OXCT1: variants seen among roughly 807,000 people sequenced by gnomAD.
OXCT1 encodes succinyl-CoA:3-ketoacid coenzyme A transferase 1, mitochondrial.
In OXCT1, 27 loss-of-function variants were observed where a neutral mutation model predicts 69.6. The observed-to-expected ratio is 0.39, with a 90% CI of 0.29 to 0.54. The LOEUF is 0.54. Ranked by LOEUF, OXCT1 falls within the 20% of genes least tolerant of loss-of-function variation. OXCT1 has a pLI of 0.72. For missense variants in OXCT1, 437 were observed against 650.2 expected (o/e 0.67, Z 3.57); for synonymous variants, 202 against 217.8 (o/e 0.93, Z 0.64).
At chr5:41,744,224 G>A (rs1159322426) in intron 15 of OXCT1, among the ~76,000 whole-genome samples, 7 of 152,098 alleles carry the variant, frequency 4.6e-5, no homozygotes, top group Admixed American at 1.3e-4. Flanking sequence ...TATTCTCTTT[G>A]AAGCAATTGT....
At chr5:41,744,707 C>A (rs1176960211) in intron 15 of OXCT1, among the ~76,000 whole-genome samples, 2 of 152,100 alleles carry the variant, frequency 1.3e-5, no homozygotes, top group Non-Finnish European at 2.9e-5. Flanking sequence ...GCCTTTTCTG[C>A]ATCTATTGAG....
At chr5:41,843,840 G>T (rs558919680) in intron 5 of OXCT1, among the ~76,000 whole-genome samples, 13 of 152,264 alleles carry the variant, frequency 8.5e-5, no homozygotes, top group African/African-American at 2.9e-4. Flanking sequence ...TAACCAAGTT[G>T]CCTGCTAGAA....
intron 6 of OXCT1, among the ~76,000 whole-genome samples, chr5:41,842,238 A>G (rs1748659919): frequency 6.6e-6 from 1 of 152,234 alleles, no homozygotes; most frequent in Admixed American, 6.5e-5. Context: ...AGAAGACACC[A>G]AAAGGACTGA....
At chr5:41,795,496 T>C (rs1746134575) in intron 11 of OXCT1, among the ~76,000 whole-genome samples, 2 of 152,178 alleles carry the variant, frequency 1.3e-5, no homozygotes, top group Non-Finnish European at 2.9e-5. Flanking sequence ...AATCTAATGC[T>C]ACTGTAAGTC....
At chr5:41,797,851 C>T (rs551072101) in intron 11 of OXCT1, among the ~76,000 whole-genome samples, 9 of 152,264 alleles carry the variant, frequency 5.9e-5, no homozygotes, top group South Asian at 4.1e-4. Flanking sequence ...GTGATGCTGA[C>T]GCTGTGGGTC....
At chr5:41,734,705 G>A (rs1742801306) in intron 16 of OXCT1, among the ~76,000 whole-genome samples, 1 of 152,090 alleles carries the variant, frequency 6.6e-6, no homozygotes, top group South Asian at 2.1e-4. Context: ...GAAAATGTTG[G>A]GCCCTAGTAG....
chr5:41,807,273 G>T, intron 8 of OXCT1, 58 bp downstream of exon 8: 1 of 926,986 alleles, frequency 1.1e-6, no homozygotes, highest in East Asian at 2.4e-5. Context: ...TGGCCCCAGG[G>T]ATGCACTATC....
In OXCT1 at chr5:41,731,758, G is replaced by A; in HGVS notation, c.1534C>T (p.Leu512Phe). Residue 512 changes from leucine to phenylalanine, a missense_variant, in exon 17 of 17, where the codon CTC (leucine) becomes TTC (phenylalanine). By Grantham distance (22) the Leu-to-Phe change is conservative. Around this residue, in one of 4 missense-constraint regions of OXCT1, gnomAD observed 102 missense variants for 162.1 expected, o/e 0.63. Transcript: ENST00000196371. ...TTTGCGATCTGCTGCATTGGCATGA[G>A]TTTTGGTGAAACCTGGTAAAAGAGG... is the stretch of plus-strand genomic sequence containing the variant. ...TGCDFAVSPKLMPMQQIAN is the reference protein window; with the variant it reads ...TGCDFAVSPKFMPMQQIAN 1.2e-6 allele frequency: 2 copies of A among 1,610,120 alleles called. No homozygotes were observed. Among genetic ancestry groups the A allele is most frequent in the Non-Finnish European group, 1.7e-6 (2 of 1,178,054 alleles).
chr5:41,754,464 T>C (rs1743962657), intron 14 of OXCT1, among the ~76,000 whole-genome samples: 1 of 152,078 alleles, frequency 6.6e-6, no homozygotes, highest in Non-Finnish European at 1.5e-5. Flanking sequence ...GGATACCCCA[T>C]TCTCCACAGT....
At chr5:41,800,846 C>T (rs1366225017) in intron 11 of OXCT1, among the ~76,000 whole-genome samples, 176 bp downstream of exon 11, 3 of 152,038 alleles carry the variant, frequency 2.0e-5, no homozygotes, top group Non-Finnish European at 4.4e-5. Context: ...TCTGCATTTC[C>T]TCCTTTATCT....
At chr5:41,799,256 G>A (rs191841637) in intron 11 of OXCT1, among the ~76,000 whole-genome samples, 1 of 152,176 alleles carries the variant, frequency 6.6e-6, no homozygotes, top group Admixed American at 6.6e-5. Context: ...GGGAATTGAG[G>A]AAACCACCAA....
At chr5:41,819,568 C>A (rs1222920478) in intron 7 of OXCT1, among the ~76,000 whole-genome samples, 2 of 152,070 alleles carry the variant, frequency 1.3e-5, no homozygotes, top group Admixed American at 6.6e-5. Flanking sequence ...CAGGGTTTCG[C>A]CACATTTGCC....
At chr5:41,841,299 G>A (rs981805180) in intron 6 of OXCT1, among the ~76,000 whole-genome samples, 1 of 152,146 alleles carries the variant, frequency 6.6e-6, no homozygotes, top group Non-Finnish European at 1.5e-5. Flanking sequence ...CTTTTGCTCA[G>A]ATTGAAGAAT....
Position 41,853,527 on chromosome 5 carries a change from C to G in OXCT1, c.306G>C (p.Leu102Phe). 6.2e-7 allele frequency: 1 copy of G among 1,613,952 alleles called. No individual in the cohort carries two copies. The highest frequency in any genetic ancestry group is 8.5e-7 in the Non-Finnish European group (1 of 1,179,920). Residue 102 changes from leucine (L) to phenylalanine (F), a missense_variant, in exon 4 of 17, where the codon TTG (leucine) becomes TTC (phenylalanine). Leu to Phe is a conservative substitution (Grantham distance 22). Transcript: ENST00000196371. ...AGVDNFGLGL[L>F]LRSKQIKRMV... ...TGCGTTTTATCTGCTTGGACCGAAGCAAAAGCCCCAAACCAAAATTGTCAA... is the reference window on the plus strand; with the variant it reads ...TGCGTTTTATCTGCTTGGACCGAAGGAAAAGCCCCAAACCAAAATTGTCAA...
chr5:41,854,028 T>TA (rs34095592), intron 3 of OXCT1, among the ~76,000 whole-genome samples: 1 of 152,148 alleles, frequency 6.6e-6, no homozygotes, highest in Non-Finnish European at 1.5e-5. Context: ...CTTTCACTTC[T>TA]AAAAAGGAGA....
intron 11 of OXCT1, among the ~76,000 whole-genome samples, chr5:41,799,446 C>G (rs1436417118): frequency 6.6e-6 from 1 of 152,148 alleles, no homozygotes; most frequent in African/African-American, 2.4e-5. Context: ...TGTGGCACTT[C>G]AAGTGTTGAA....
intron 16 of OXCT1, among the ~76,000 whole-genome samples, chr5:41,732,686 T>A (rs1742691796): frequency 6.6e-6 from 1 of 152,188 alleles, no homozygotes; most frequent in Non-Finnish European, 1.5e-5. Context: ...CCTTCCAGAA[T>A]AAACAATATT....
chr5:41,781,643 C>T (rs1745405234), intron 13 of OXCT1, among the ~76,000 whole-genome samples: 1 of 152,086 alleles, frequency 6.6e-6, no homozygotes, highest in African/African-American at 2.4e-5. Context: ...ATGTGTTGTT[C>T]CCCCAGTGGT....
chr5:41,803,352 TAGTC>T (rs1292369334), intron 9 of OXCT1, among the ~76,000 whole-genome samples, 189 bp from the exon 10 acceptor site: 2 of 152,088 alleles, frequency 1.3e-5, no homozygotes, highest in Non-Finnish European at 2.9e-5. Flanking sequence ...AGTCTCTAAT[TAGTC>T]AGCTTTTTCA....
Sources: gnomAD v4.1 joint callset for allele counts (sites outside exome capture counted in the v4.1 genomes callset) on GRCh38, gnomAD v4.1.1 for gene constraint, gnomAD v4.1.1 regional missense constraint, MANE v1.5 for transcripts, NCBI Gene and HGNC (gene_info 2026-07-23, HGNC 2026-07-21) for gene names.